ZNF565: variants seen among roughly 807,000 people sequenced by gnomAD.
The protein encoded by ZNF565 is zinc finger protein 565.
Under a neutral mutation model 39.4 loss-of-function variants are expected in ZNF565, and 27 were observed. That is an observed-to-expected ratio of 0.69 (90% CI 0.51 to 0.95). The LOEUF is 0.95. Ranked by LOEUF, ZNF565 falls within the 40% of genes least tolerant of loss-of-function variation. The pLI is 0.00. For synonymous variants in ZNF565, 185 were observed against 216.6 expected (o/e 0.85, Z 1.28); for missense variants, 524 against 621.1 (o/e 0.84, Z 1.66).
chr19:36,203,548 G>A (rs1976043693), intron 1 of ZNF565: 1 of 152,090 alleles, frequency 6.6e-6, no homozygotes, highest in African/African-American at 2.4e-5. Flanking sequence ...TACATCTCAA[G>A]GGAATGAGAA....
At chr19:36,224,580 G>A (rs1248936542) in intron 1 of ZNF565, among the ~76,000 whole-genome samples, 1 of 152,096 alleles carries the variant, frequency 6.6e-6, no homozygotes, top group African/African-American at 2.4e-5. Flanking sequence ...TTACTTTGTG[G>A]TATAGCTAGT....
chr19:36,241,637 A>C (rs1425824462), intron 1 of ZNF565, among the ~76,000 whole-genome samples: 1 of 151,050 alleles, frequency 6.6e-6, no homozygotes, highest in African/African-American at 2.4e-5. Context: ...CTAAAAATAC[A>C]AAAAATTAGC....
chr19:36,240,451 G>A (rs1977778568), intron 1 of ZNF565, among the ~76,000 whole-genome samples: 1 of 152,190 alleles, frequency 6.6e-6, no homozygotes, highest in Admixed American at 6.5e-5. Flanking sequence ...ACACAGGGAT[G>A]GAGACAGATC....
At position 36,245,374 on chromosome 19, in the gene ZNF565, G is replaced by A. The variant is rs1476436276; in HGVS notation, c.55+102C>T. 1.4e-6 allele frequency: 1 copy of A among 691,934 alleles called. No homozygotes were observed. The highest frequency in any genetic ancestry group is 2.6e-6 in the Non-Finnish European group (1 of 379,394). The allele number at this position is 691,934 out of a possible 1,614,324, so 42.9% of individuals were successfully genotyped here. ...TAGGGTCTGATCTGGCGGGCTCGAA[G>A]GGAGGACAGTCACTGCGACCCGGAA... On this transcript the variant is annotated intron_variant, in intron 1 of 4. Transcript: ENST00000355114. The surrounding 1 kb of genome is among the most constrained non-coding windows in gnomAD (Gnocchi z 4.4).
At chr19:36,210,165 A>C (rs1259964301) in intron 1 of ZNF565, among the ~76,000 whole-genome samples, 3 of 151,888 alleles carry the variant, frequency 2.0e-5, no homozygotes, top group Admixed American at 6.6e-5. Flanking sequence ...TTATGCCCGT[A>C]ATCACAGCAC....
chr19:36,202,894 G>T lies in ZNF565; in HGVS notation c.-65-844C>A, dbSNP rs140964561. On this transcript the variant is annotated intron_variant, in intron 1 of 4. Coordinates refer to ENST00000304116, the MANE Select transcript of ZNF565 (RefSeq NM_152477.5). Reference sequence around the variant, plus strand: ...CCCCAGCTATACTCACCAGACAGGAGCAAGAAAGCCTCAGTAATACAGGCA... The same window carrying T: ...CCCCAGCTATACTCACCAGACAGGATCAAGAAAGCCTCAGTAATACAGGCA... 3.0e-4 allele frequency among the ~76,000 whole-genome samples: 45 copies of T among 152,268 alleles called. 2 individuals are homozygous for T. In the East Asian group the frequency reaches 8.7e-3, roughly 29 times the overall value.
downstream of ZNF565, chr19:36,182,269 C>A: frequency 2.2e-6 from 1 of 447,964 alleles, no homozygotes; most frequent in African/African-American, 2.0e-5. Flanking sequence ...TTATCTGATG[C>A]TTAGGAAACA....
intron 4 of ZNF565, among the ~76,000 whole-genome samples, chr19:36,184,062 A>G (rs1021861290): frequency 2.3e-5 from 3 of 129,682 alleles, no homozygotes; most frequent in African/African-American, 6.0e-5. Flanking sequence ...TGGGCGACAG[A>G]GCAAGACTCT....
At chr19:36,215,536 C>T (rs981015999), upstream of ZNF565, among the ~76,000 whole-genome samples, 6 of 152,002 alleles carry the variant, frequency 3.9e-5, no homozygotes, top group African/African-American at 1.2e-4. Context: ...GTGCCATCTT[C>T]CTGGAGCGTC....
At chr19:36,240,849 G>C (rs1977787111) in intron 1 of ZNF565, among the ~76,000 whole-genome samples, 1 of 148,954 alleles carries the variant, frequency 6.7e-6, no homozygotes, top group South Asian at 2.1e-4. Context: ...CAGCCTGGGA[G>C]ACAGAATGAG....
At chr19:36,193,565 C>T (rs1975649896) in intron 4 of ZNF565, among the ~76,000 whole-genome samples, 2 of 151,382 alleles carry the variant, frequency 1.3e-5, no homozygotes, top group Admixed American at 6.6e-5. Flanking sequence ...CTCAGCCTCC[C>T]GAGTAGCTGG....
chr19:36,241,518 C>T lies in ZNF565; in HGVS notation c.55+3958G>A, dbSNP rs999142817. Among the ~76,000 whole-genome samples, 6 of 123,658 alleles carry T rather than the reference C, an allele frequency of 4.9e-5. No individual in the cohort carries two copies. The Admixed American group carries it at 5.1e-4, about 10-fold the overall frequency. 81.1% of individuals were successfully genotyped at this position (123,658 alleles called of 152,430 possible). ...AAAAAAAAAAAGTGTTGGGGCCGTG[C>T]GCAGTGGCTCACGCCTGTAATCCCA... is the stretch of plus-strand genomic sequence containing the variant. On this transcript the variant is annotated intron_variant, in intron 1 of 4. Transcript: ENST00000355114.
At chr19:36,220,481 C>T (rs1416943143) in intron 1 of ZNF565, among the ~76,000 whole-genome samples, 1 of 152,076 alleles carries the variant, frequency 6.6e-6, no homozygotes, top group Non-Finnish European at 1.5e-5. Context: ...TCTCCTGCTT[C>T]AGCCTCCCGA....
In ZNF565 at chr19:36,183,488, T is replaced by C. The variant is rs144000240; in HGVS notation, c.478A>G (p.Arg160Gly). The C allele has an allele frequency of 5.1e-5, 82 of 1,614,256 alleles. No homozygotes were observed. The African/African-American group carries it at 1.1e-3, about 21-fold the overall frequency. Reference sequence around the variant, plus strand: ...TCCATCAGTTTCTCACCAGTCTCCCTGCTCTGACGTACAGTGTGAGACGTG... The same window carrying C: ...TCCATCAGTTTCTCACCAGTCTCCCCGCTCTGACGTACAGTGTGAGACGTG... The part of the protein sequence containing the change: ...HHTSHTVRQS[R>G]ETGEKLMECH... Residue 160 changes from arginine (R) to glycine (G), a missense_variant, in exon 5 of 5, where the codon AGG becomes GGG. By Grantham distance (125) the Arg-to-Gly change is moderately radical. Transcript: ENST00000304116.
chr19:36,194,419 G>T, intron 3 of ZNF565, 91 bp from the exon 4 acceptor site: 1 of 977,214 alleles, frequency 1.0e-6, no homozygotes. Context: ...GCAATTACAA[G>T]GTAGGTGGAA....
At chr19:36,211,075 A>G (rs1976337236) in intron 1 of ZNF565, among the ~76,000 whole-genome samples, 1 of 152,146 alleles carries the variant, frequency 6.6e-6, no homozygotes, top group African/African-American at 2.4e-5. Context: ...AAGAAATTCC[A>G]GTCTATACTT....
upstream of ZNF565, among the ~76,000 whole-genome samples, chr19:36,217,511 T>C (rs1174005946): frequency 2.6e-5 from 4 of 152,160 alleles, no homozygotes. Context: ...CTTTATATAC[T>C]GAGACAGAAA....
At chr19:36,227,158 G>A (rs1257213435) in intron 1 of ZNF565, among the ~76,000 whole-genome samples, 1 of 151,990 alleles carries the variant, frequency 6.6e-6, no homozygotes, top group Non-Finnish European at 1.5e-5. Flanking sequence ...GGAGGCAGAG[G>A]TGGGCGGATC....
At chr19:36,236,323 A>G in intron 1 of ZNF565, 1 of 1,239,104 alleles carries the variant, frequency 8.1e-7, no homozygotes, top group Non-Finnish European at 1.1e-6. Context: ...GATCATACAC[A>G]GAGAAGCCTT....
Sources: allele counts gnomAD v4.1 joint callset (sites outside exome capture counted in the v4.1 genomes callset), GRCh38; gene constraint gnomAD v4.1.1; non-coding constraint Gnocchi (gnomAD v3.1); transcripts MANE v1.5; gene names NCBI Gene and HGNC (gene_info 2026-07-23, HGNC 2026-07-21).